ZC3H12B: variants seen among roughly 807,000 people sequenced by gnomAD.
ZC3H12B encodes the protein probable ribonuclease ZC3H12B.
ZC3H12B carries 7 observed loss-of-function variants against 43.9 expected under a neutral mutation model. The ratio of observed to expected loss-of-function variants is 0.16; its 90% CI spans 0.09 to 0.30. The LOEUF (loss-of-function observed/expected upper bound fraction) is 0.30. Among genes scored for constraint, ZC3H12B ranks in the 10% least tolerant of loss-of-function variants. The pLI, the probability that ZC3H12B is intolerant of heterozygous loss-of-function variation, is 1.00. For missense variants in ZC3H12B, 475 were observed against 670.2 expected (o/e 0.71, Z 3.22); for synonymous variants, 222 against 241.7 (o/e 0.92, Z 0.76).
chrX:65,331,886 A>G, the ZC3H12B span, among the ~76,000 whole-genome samples: 1 of 111,471 alleles, frequency 9.0e-6, no homozygotes, highest in Non-Finnish European at 1.9e-5. Context: ...CTAATGCATT[A>G]TCATTAGTGT....
the ZC3H12B span, among the ~76,000 whole-genome samples, chrX:65,154,046 C>T: frequency 9.1e-6 from 1 of 109,886 alleles, no homozygotes; most frequent in South Asian, 3.9e-4. Flanking sequence ...CACATGGACA[C>T]AGGAAGGGGA....
chrX:65,246,382 A>G, the ZC3H12B span, among the ~76,000 whole-genome samples: 1 of 112,398 alleles, frequency 8.9e-6, no homozygotes, highest in Non-Finnish European at 1.9e-5. Flanking sequence ...ACCACCATTG[A>G]CATTCTTCAC....
intron 3 of ZC3H12B, among the ~76,000 whole-genome samples, chrX:65,416,548 G>A (rs2066962527): frequency 9.1e-6 from 1 of 109,798 alleles, no homozygotes; most frequent in African/African-American, 3.3e-5. Flanking sequence ...TTGGGAGGCT[G>A]AGGTGGGCGG....
chrX:65,195,151 G>A, the ZC3H12B span, among the ~76,000 whole-genome samples: 1 of 107,893 alleles, frequency 9.3e-6, no homozygotes, highest in African/African-American at 3.4e-5. Flanking sequence ...GTTTAATCAA[G>A]TTCCATTTGA....
chrX:65,113,040 A>T, the ZC3H12B span, among the ~76,000 whole-genome samples: 23 of 111,791 alleles, frequency 2.1e-4, no homozygotes, highest in Admixed American at 1.9e-3. Context: ...AAATATCAAC[A>T]TTAACAGGAA....
intron 3 of ZC3H12B, among the ~76,000 whole-genome samples, chrX:65,464,701 G>T (rs1162884319): frequency 9.1e-6 from 1 of 110,341 alleles, no homozygotes. Context: ...AAGGTGAGTG[G>T]CTAGGTTATT....
chrX:65,454,987 T>C (rs1448926889), intron 3 of ZC3H12B, among the ~76,000 whole-genome samples: 1 of 111,452 alleles, frequency 9.0e-6, no homozygotes, highest in Non-Finnish European at 1.9e-5. Context: ...TACATTACCA[T>C]CATCAAAGAC....
At chrX:65,381,437 G>A (rs2066438365) in intron 2 of ZC3H12B, among the ~76,000 whole-genome samples, 1 of 111,478 alleles carries the variant, frequency 9.0e-6, no homozygotes, top group African/African-American at 3.3e-5. Context: ...CAGATTCTCT[G>A]AGACACATTC....
chrX:65,146,412 T>C, the ZC3H12B span, among the ~76,000 whole-genome samples: 2 of 112,221 alleles, frequency 1.8e-5, no homozygotes, highest in East Asian at 5.6e-4. Flanking sequence ...CTTTGTCTGA[T>C]GCCTCCCTGA....
the ZC3H12B span, among the ~76,000 whole-genome samples, chrX:65,286,214 A>G: frequency 1.1e-4 from 12 of 112,261 alleles, no homozygotes; most frequent in Non-Finnish European, 2.3e-4. Flanking sequence ...CAAATAAACC[A>G]TGGAATACTA....
At chrX:65,218,191 A>T in the ZC3H12B span, among the ~76,000 whole-genome samples, 1 of 112,515 alleles carries the variant, frequency 8.9e-6, no homozygotes, top group Non-Finnish European at 1.9e-5. Context: ...AAAGTGGCAG[A>T]TAAGAGGCAG....
the ZC3H12B span, among the ~76,000 whole-genome samples, chrX:65,074,248 A>G: frequency 1.8e-5 from 2 of 109,153 alleles, no homozygotes; most frequent in Non-Finnish European, 3.8e-5. Context: ...GTTTTTCTGG[A>G]TATAATGTTA....
Position 65,408,926 on chromosome X carries a change from C to T in ZC3H12B, n.407+10222C>T, listed in dbSNP as rs765606266. On this transcript the variant is annotated intron_variant and non_coding_transcript_variant, in intron 3 of 5. Coordinates refer to the ZC3H12B transcript ENST00000617377. The stretch of plus-strand genomic sequence containing the variant: ...CCTAGTTAATGCCAGTGGCCTGTAC[C>T]ATATTATGGAAAACTGTTAACTGCT... 2.3e-3 allele frequency among the ~76,000 whole-genome samples: 255 copies of T among 111,593 alleles called. 2 individuals carry two copies. The highest frequency in any genetic ancestry group is 7.7e-3 in the African/African-American group (237 of 30,696).
upstream of ZC3H12B, among the ~76,000 whole-genome samples, chrX:65,366,229 T>C (rs2066173756): frequency 9.1e-6 from 1 of 109,928 alleles, no homozygotes. Flanking sequence ...AAATGGTTTC[T>C]GGTTTGTCAG....
At chrX:65,271,550 C>G in the ZC3H12B span, 5 of 112,348 alleles carry the variant, frequency 4.5e-5, no homozygotes, top group Admixed American at 4.7e-4. Flanking sequence ...CATTCTGAAA[C>G]TGGATGATAT....
chrX:65,472,980 ATATATATATATATATATG>A (rs1443796080), intron 3 of ZC3H12B, among the ~76,000 whole-genome samples: 3 of 77,627 alleles, frequency 3.9e-5, no homozygotes, highest in African/African-American at 2.9e-4. Flanking sequence ...GTGTGTGTAT[ATATATATATATATATATG>A]TATATATATA....
the ZC3H12B span, among the ~76,000 whole-genome samples, chrX:65,121,608 G>C: frequency 9.0e-6 from 1 of 111,039 alleles, no homozygotes; most frequent in East Asian, 2.8e-4. Flanking sequence ...CCAGCTCCTG[G>C]ATTCATTGAT....
At chrX:65,442,084 C>G (rs1436182984) in intron 3 of ZC3H12B, among the ~76,000 whole-genome samples, 2 of 106,310 alleles carry the variant, frequency 1.9e-5, no homozygotes, top group East Asian at 5.8e-4. Context: ...CCATGCTTCC[C>G]ACAGTTAAAA....
chrX:65,216,333 G>C, the ZC3H12B span, among the ~76,000 whole-genome samples: 4 of 111,197 alleles, frequency 3.6e-5, no homozygotes, highest in African/African-American at 1.3e-4. Flanking sequence ...AGCGTAGTGA[G>C]TGTGGGACTT....
Sources: gnomAD v4.1 joint callset for allele counts (sites outside exome capture counted in the v4.1 genomes callset) on GRCh38, gnomAD v4.1.1 for gene constraint, MANE v1.5 for transcripts, NCBI Gene and HGNC (gene_info 2026-07-23, HGNC 2026-07-21) for gene names.